Variants in SPIN3 observed in about 807,000 individuals in gnomAD.
SPIN3 encodes the protein spindlin family member 3, also known as spindlin-3.
For missense variants in SPIN3, 176 were observed against 196.4 expected (o/e 0.90, Z 0.62); for synonymous variants, 74 against 74.3 (o/e 1.00, Z 0.02).
chrX:56,984,165 G>A (rs886311322), intron 3 of SPIN3: 8 of 143,984 alleles, frequency 5.6e-5, no homozygotes, highest in African/African-American at 1.9e-4. Flanking sequence ...CCTCTCTCTC[G>A]TTCACGAAGA....
chrX:56,992,829 C>G lies in SPIN3; in HGVS notation c.*1342G>C, dbSNP rs1351498310. 6 of 230,779 alleles carry G rather than the reference C, an allele frequency of 2.6e-5. No individual in the cohort carries two copies. Among genetic ancestry groups the G allele is most frequent in the Non-Finnish European group, 4.6e-5 (6 of 129,407 alleles). 19.0% of individuals were successfully genotyped at this position (230,779 alleles called of 1,213,427 possible). A position where few individuals can be genotyped will look rare whatever the true frequency, so the allele number is the denominator to read the frequency against. On this transcript the variant is annotated 3_prime_UTR_variant, in exon 2 of 2. Coordinates refer to ENST00000374919, the MANE Select transcript of SPIN3 (RefSeq NM_001010862.3). ...AATGGCTCTTTAATAATGGAAAGCT[C>G]AAAGGCCCTTCCATTGTTTACTTTT...
intron 2 of SPIN3, among the ~76,000 whole-genome samples, chrX:56,984,775 C>T (rs1924191286): frequency 9.0e-6 from 1 of 111,576 alleles, no homozygotes; most frequent in Non-Finnish European, 1.9e-5. Context: ...GTATTATTTA[C>T]ATGGAGAAAT....
At chrX:56,990,407 C>T (rs1287573829), downstream of SPIN3, among the ~76,000 whole-genome samples, 2 of 111,436 alleles carry the variant, frequency 1.8e-5, no homozygotes, top group African/African-American at 6.5e-5. Context: ...AAATGGGTTT[C>T]CTGTTACATG....
At chrX:56,995,132 TC>T (rs956271729) in intron 1 of SPIN3, 83 bp downstream of exon 1, 8 of 441,806 alleles carry the variant, frequency 1.8e-5, no homozygotes, top group African/African-American at 1.7e-4. Flanking sequence ...GTAACCTTCC[TC>T]CCCAGCTCAG....
downstream of SPIN3, among the ~76,000 whole-genome samples, chrX:56,989,871 T>C (rs1924294205): frequency 9.0e-6 from 1 of 111,718 alleles, no homozygotes; most frequent in Non-Finnish European, 1.9e-5. Flanking sequence ...TGGTGAGTTA[T>C]ATAATTATTT....
At chrX:56,975,609 G>A (rs1450914797), downstream of SPIN3, 1 of 111,500 alleles carries the variant, frequency 9.0e-6, no homozygotes, top group African/African-American at 3.3e-5. Context: ...GAGTGCCCTG[G>A]CAGAGGAGGA....
rs956346188 is a variant in SPIN3 at position 56,995,126 on chromosome X, C to T, written c.-3+90G>A. On this transcript the variant is annotated intron_variant, in intron 1 of 1. Transcript: ENST00000374919. ...CACCCTGGCTGAGTGCCTGCAGTAA[C>T]CTTCCTCCCCAGCTCAGTCTGGCTA... 1.3e-5 allele frequency: 6 copies of T among 463,247 alleles called. No homozygotes were observed. The East Asian group carries it at 2.3e-4, about 18-fold the overall frequency. The allele number at this position is 463,247 out of a possible 1,213,427, so 38.2% of individuals were successfully genotyped here. A position where few individuals can be genotyped will look rare whatever the true frequency, so the allele number is the denominator to read the frequency against.
rs1435634913 is a variant in SPIN3 at position 56,991,906 on chromosome X, C to T, written c.*2265G>A. ...ATAGCTGACAACAATTATACAATGACTCCCAAAGATAGCATTAAAATACTC... is the reference window on the plus strand; with the variant it reads ...ATAGCTGACAACAATTATACAATGATTCCCAAAGATAGCATTAAAATACTC... On this transcript the variant is annotated 3_prime_UTR_variant, in exon 2 of 2. Coordinates refer to ENST00000374919, the MANE Select transcript of SPIN3 (RefSeq NM_001010862.3). 2 of 276,666 alleles carry T rather than the reference C, an allele frequency of 7.2e-6. No individual in the cohort carries two copies. The highest frequency in any genetic ancestry group is 5.5e-5 in the African/African-American group (2 of 36,066). The allele number at this position is 276,666 out of a possible 1,213,427, so 22.8% of individuals were successfully genotyped here. A position where few individuals can be genotyped will look rare whatever the true frequency, so the allele number is the denominator to read the frequency against.
Position 56,992,676 on chromosome X carries a change from G to A in SPIN3, c.*1495C>T. On this transcript the variant is annotated 3_prime_UTR_variant, in exon 2 of 2. Coordinates refer to ENST00000374919, the MANE Select transcript of SPIN3 (RefSeq NM_001010862.3). Reference sequence around the variant, plus strand: ...TGTGCAGAACTCCATGGCCTTATTAGGCTGTTACTGCTAATGGAGCTTCTG... The same window carrying A: ...TGTGCAGAACTCCATGGCCTTATTAAGCTGTTACTGCTAATGGAGCTTCTG... 3.4e-6 allele frequency: 1 copy of A among 291,349 alleles called. No homozygotes were observed. The highest frequency in any genetic ancestry group is 2.3e-4 in the South Asian group (1 of 4,378). 24.0% of individuals were successfully genotyped at this position (291,349 alleles called of 1,213,427 possible).
At chrX:56,990,515 G>C (rs1569324497), downstream of SPIN3, among the ~76,000 whole-genome samples, 1 of 111,843 alleles carries the variant, frequency 8.9e-6, no homozygotes, top group African/African-American at 3.3e-5. Flanking sequence ...AAAAATAATT[G>C]TTCATTTCAT....
downstream of SPIN3, among the ~76,000 whole-genome samples, chrX:56,987,755 G>A (rs983820592): frequency 1.8e-5 from 2 of 111,759 alleles, no homozygotes; most frequent in Non-Finnish European, 3.8e-5. Context: ...TCAGTTCTTA[G>A]CAGAGATTAA....
At chrX:56,975,830 C>A (rs992226674), downstream of SPIN3, 21 of 105,713 alleles carry the variant, frequency 2.0e-4, no homozygotes, top group African/African-American at 6.6e-4. Context: ...GTGGTAGGCA[C>A]TGAAGGGTCT....
chrX:56,992,088 C>T lies in SPIN3; in HGVS notation c.*2083G>A. On this transcript the variant is annotated 3_prime_UTR_variant, in exon 2 of 2. Coordinates refer to ENST00000374919, the MANE Select transcript of SPIN3 (RefSeq NM_001010862.3). ...AAAATAATTAAAGTCCAAAATTCTG[C>T]CTTTCCCAATTTCTCGTTTTTCTCA... The T allele has an allele frequency of 3.4e-6, 1 of 297,339 alleles. No individual in the cohort carries two copies. 24.5% of individuals were successfully genotyped at this position (297,339 alleles called of 1,213,427 possible).
downstream of SPIN3, among the ~76,000 whole-genome samples, chrX:56,989,697 T>C (rs929791352): frequency 1.8e-5 from 2 of 111,231 alleles, no homozygotes; most frequent in Non-Finnish European, 3.8e-5. Flanking sequence ...TAGATGCTCA[T>C]AGGAGCATGA....
intron 3 of SPIN3, among the ~76,000 whole-genome samples, chrX:56,980,904 G>A (rs774567350): frequency 2.7e-5 from 3 of 109,654 alleles, no homozygotes; most frequent in African/African-American, 6.6e-5. Flanking sequence ...ATTTCCTTTC[G>A]TGGTACAGAA....
intron 5 of SPIN3, chrX:56,977,746 C>A (rs1924036461): frequency 9.0e-6 from 1 of 111,306 alleles, no homozygotes; most frequent in African/African-American, 3.3e-5. Context: ...TGGATTAATC[C>A]ACTGACAGAT....
intron 3 of SPIN3, chrX:56,978,716 G>A (rs961542045): frequency 2.7e-5 from 3 of 111,325 alleles, no homozygotes; most frequent in East Asian, 2.8e-4. Flanking sequence ...ACATGCTACC[G>A]TCACAAGACT....
chrX:56,976,178 A>G (rs982696305), downstream of SPIN3: 3 of 111,821 alleles, frequency 2.7e-5, no homozygotes, highest in Non-Finnish European at 5.6e-5. Flanking sequence ...GGAGAATCGG[A>G]TAAGTATGGA....
rs1339446124 is a variant in SPIN3 at position 56,991,459 on chromosome X, T to A, written c.*2712A>T. 3 of 112,099 alleles carry A rather than the reference T, an allele frequency of 2.7e-5. No homozygotes were observed. In the East Asian group the frequency reaches 8.4e-4, roughly 31 times the overall value. The allele number at this position is 112,099 out of a possible 1,213,427, so 9.2% of individuals were successfully genotyped here. On this transcript the variant is annotated 3_prime_UTR_variant, in exon 2 of 2. Coordinates refer to ENST00000374919, the MANE Select transcript of SPIN3 (RefSeq NM_001010862.3). The stretch of plus-strand genomic sequence containing the variant: ...CTCAATCTCATCAAGTTATTCCTCC[T>A]CCCAAGCATAAGATTGAATGAGTGT...
Sources: allele counts gnomAD v4.1 joint callset (sites outside exome capture counted in the v4.1 genomes callset), GRCh38; gene constraint gnomAD v4.1.1; transcripts MANE v1.5; gene names NCBI Gene and HGNC (gene_info 2026-07-23, HGNC 2026-07-21).